The following SACS variants were observed in gnomAD, a reference collection of about 807,000 sequenced individuals.
SACS encodes sacsin.
SACS carries 197 observed loss-of-function variants against 348.0 expected under a neutral mutation model. The observed-to-expected ratio is 0.57, with a 90% CI of 0.50 to 0.64. The LOEUF (loss-of-function observed/expected upper bound fraction) is 0.64. SACS is among the 30% of genes least tolerant of loss of function. SACS has a pLI of 0.00. For synonymous variants in SACS, 1,985 were observed against 1,910.6 expected (o/e 1.04, Z -1.02); for missense variants, 4,999 against 5,360.8 (o/e 0.93, Z 2.11).
chr13:23,424,784 AAAG>A (rs1471165003), intron 1 of SACS, among the ~76,000 whole-genome samples: 1 of 152,208 alleles, frequency 6.6e-6, no homozygotes, highest in Non-Finnish European at 1.5e-5. Context: ...AGCTATGTAC[AAAG>A]AAGCTTTGTG....
intron 2 of SACS, among the ~76,000 whole-genome samples, chr13:23,399,977 C>G (rs905476188): frequency 6.6e-6 from 1 of 152,212 alleles, no homozygotes; most frequent in African/African-American, 2.4e-5. Context: ...GAAAGTGCTC[C>G]TGACTGCTAT....
chr13:23,375,560 C>T, intron 2 of SACS: 2 of 1,040,398 alleles, frequency 1.9e-6, no homozygotes, highest in East Asian at 7.8e-5. Context: ...GCGGGGACTG[C>T]GCGCTCCCGG....
chr13:23,332,501 C>T lies in SACS; in HGVS notation c.11375G>A (p.Arg3792Gln), dbSNP rs778633704. The change falls in exon 10 of 10, where the codon CGA (arginine) becomes CAA (glutamine). Residue 3792 changes from arginine (R) to glutamine (Q), a missense_variant. By Grantham distance (43) the Arg-to-Gln change is conservative. Around this residue, in one of 6 missense-constraint regions of SACS, gnomAD observed 831 missense variants for 941.8 expected, o/e 0.88. Transcript: ENST00000382292. ...AEKREFRFQL[R>Q]GVAFVMVEDG... ...TTCTACCATCACAAAAGCAACCCCT[C>T]GCAACTGAAAACGAAATTCCCTTTT... 1.8e-5 allele frequency: 29 copies of T among 1,613,996 alleles called. No homozygotes were observed. The highest frequency in any genetic ancestry group is 1.2e-4 in the Admixed American group (7 of 60,000).
At chr13:23,412,937 A>C (rs1252762688) in intron 1 of SACS, among the ~76,000 whole-genome samples, 1 of 152,228 alleles carries the variant, frequency 6.6e-6, no homozygotes, top group Non-Finnish European at 1.5e-5. Context: ...GCTGGGCACA[A>C]TCTGGGCTAA....
intron 2 of SACS, among the ~76,000 whole-genome samples, chr13:23,399,065 T>C (rs1872842140): frequency 6.8e-6 from 1 of 147,786 alleles, no homozygotes. Flanking sequence ...TAGTTAATTA[T>C]TGATAGAGCA....
Position 23,335,812 on chromosome 13 carries a change from G to A in SACS, c.8064C>T (p.Thr2688=). The A allele has an allele frequency of 6.2e-7, 1 of 1,613,906 alleles. No individual in the cohort carries two copies. The highest frequency in any genetic ancestry group is 8.5e-7 in the Non-Finnish European group (1 of 1,179,902). ...TTGTGCAATTATCCAGTTTAAAATG[G>A]GTTCCCAGATAAAGATCCAGAACAT... The part of the protein sequence containing the change: ...FSDVLDLYLG[T]HFKLDNCTMF... The change falls in exon 10 of 10, where the codon ACC becomes ACT. Residue 2688 remains threonine, a synonymous_variant. Coordinates refer to ENST00000382292, the MANE Select transcript of SACS (RefSeq NM_014363.6). This position sits in a 1 kb window ranked among gnomAD's most constrained non-coding sequence, Gnocchi z 4.7.
At chr13:23,372,950 G>A (rs1384692206) in intron 3 of SACS, among the ~76,000 whole-genome samples, 4 of 152,038 alleles carry the variant, frequency 2.6e-5, no homozygotes, top group African/African-American at 7.2e-5. Flanking sequence ...ATACCAGGAC[G>A]AAAGGGTCCT....
Position 23,341,467 on chromosome 13 carries a change from G to A in SACS, c.2409C>T (p.Ile803=), listed in dbSNP as rs146198963. 1.4e-5 allele frequency: 23 copies of A among 1,613,852 alleles called. No homozygotes were observed. The African/African-American group carries it at 2.7e-4, about 19-fold the overall frequency. Residue 803 remains isoleucine (I), a synonymous_variant, in exon 10 of 10, where the codon ATC becomes ATT. Coordinates refer to ENST00000382292, the MANE Select transcript of SACS (RefSeq NM_014363.6). ...GACCTTCCTCTAGTATAGTTCTGGG[G>A]ATAAGTGGCATCTCATCAAATAAAG... ...DLTLFDEMPL[I]PRTILEEGQT... is the part of the protein sequence containing the mutation.
intron 2 of SACS, among the ~76,000 whole-genome samples, chr13:23,401,075 C>G (rs896206193): frequency 1.3e-5 from 2 of 152,028 alleles, no homozygotes; most frequent in African/African-American, 4.8e-5. Context: ...TAAGAAGTTC[C>G]TAGAAAATGT....
Position 23,335,318 on chromosome 13 carries a change from A to C in SACS, c.8558T>G (p.Val2853Gly), listed in dbSNP as rs1445311282. 2.5e-6 allele frequency: 4 copies of C among 1,613,780 alleles called. No individual in the cohort carries two copies. The highest frequency in any genetic ancestry group is 2.5e-6 in the Non-Finnish European group (3 of 1,179,872). The change falls in exon 10 of 10, where the codon GTA becomes GGA. Residue 2853 changes from valine (V) to glycine (G), a missense_variant. Val to Gly is a moderately radical substitution (Grantham distance 109). This residue lies in a region of SACS where 3,156 missense variants were observed against 3,380.1 expected (regional missense o/e 0.93). Transcript: ENST00000382292. The surrounding 1 kb of genome is among the most constrained non-coding windows in gnomAD (Gnocchi z 4.7). ...QDITLFPRGG[V>G]AACITHNYKK... ...ATAGTTGTGAGTAATGCAGGCAGCT[A>C]CTCCACCACGTGGGAAAAGAGTAAT... is the stretch of plus-strand genomic sequence containing the variant.
rs536706803 is a variant in SACS, at chr13:23,430,619, T to C, written c.-502+2996A>G. Among the ~76,000 whole-genome samples the C allele has an allele frequency of 8.4e-4, 128 of 152,216 alleles. 1 individual carries two copies. The highest frequency in any genetic ancestry group is 1.5e-3 in the Non-Finnish European group (103 of 68,036). The stretch of plus-strand genomic sequence containing the variant: ...ATTCTAGATACGTATAGAATTCAAA[T>C]ACTCCTTTCTAGCACTTAGTACTTT... On this transcript the variant is annotated intron_variant, in intron 1 of 9. Transcript: ENST00000382292.
Position 23,354,510 on chromosome 13 carries a change from GA to G in SACS, c.2093+8del. 6.2e-7 allele frequency: 1 copy of G among 1,612,534 alleles called. No homozygotes were observed. The highest frequency in any genetic ancestry group is 1.3e-5 in the African/African-American group (1 of 75,002). ...GAGTGAACAGGAATGTTAGAAGGGG[GA>G]CCCCTACCTTGGATATTCTGCTGAG... On this transcript the variant is annotated splice_region_variant and intron_variant, in intron 8 of 9. Coordinates refer to ENST00000382292, the MANE Select transcript of SACS (RefSeq NM_014363.6).
At chr13:23,377,868 G>T (rs750828118) in intron 2 of SACS, among the ~76,000 whole-genome samples, 7 of 152,202 alleles carry the variant, frequency 4.6e-5, no homozygotes, top group Non-Finnish European at 1.0e-4. Context: ...GCCTGGCACA[G>T]AGTAGTCCCA....
rs769211032 is a variant in SACS at position 23,338,665 on chromosome 13, C to G, written c.5211G>C (p.Lys1737Asn). Residue 1737 changes from lysine to asparagine, a missense_variant, in exon 10 of 10, where the codon AAG becomes AAC. This residue lies in a region of SACS where 3,156 missense variants were observed against 3,380.1 expected (regional missense o/e 0.93). Transcript: ENST00000382292. ...PVLSVLKEAA[K>N]LMKTCSSSNK... ...TACTGCTGCTGCAAGTCTTCATGAG[C>G]TTAGCAGCCTCTTTTAAAACACTTA... 12 of 1,614,094 alleles carry G rather than the reference C, an allele frequency of 7.4e-6. No individual in the cohort carries two copies. The highest frequency in any genetic ancestry group is 1.0e-5 in the Non-Finnish European group (12 of 1,180,010).
chr13:23,384,246 A>G (rs1872181542), intron 2 of SACS, among the ~76,000 whole-genome samples: 1 of 152,214 alleles, frequency 6.6e-6, no homozygotes, highest in African/African-American at 2.4e-5. Flanking sequence ...GCCTTCGTAG[A>G]CATCTTCAGC....
At chr13:23,380,148 T>TGTGTGTGTGTGA (rs35527942) in intron 2 of SACS, among the ~76,000 whole-genome samples, 25 of 147,778 alleles carry the variant, frequency 1.7e-4, no homozygotes, top group African/African-American at 5.7e-4. Context: ...TGTGTGTGTG[T>TGTGTGTGTGTGA]GAGAGAGAGA....
At chr13:23,372,038 C>T (rs1871422451) in intron 3 of SACS, among the ~76,000 whole-genome samples, 1 of 152,146 alleles carries the variant, frequency 6.6e-6, no homozygotes, top group Non-Finnish European at 1.5e-5. Flanking sequence ...TTAGTTAATT[C>T]ATTTTTAATT....
At chr13:23,431,249 C>T (rs1337045785) in intron 1 of SACS, among the ~76,000 whole-genome samples, 1 of 152,160 alleles carries the variant, frequency 6.6e-6, no homozygotes, top group Admixed American at 6.5e-5. Flanking sequence ...TGTCTCTTGC[C>T]TTAGAGATGG....
intron 1 of SACS, among the ~76,000 whole-genome samples, chr13:23,418,463 T>C (rs1028530296): frequency 6.6e-6 from 1 of 152,196 alleles, no homozygotes; most frequent in African/African-American, 2.4e-5. Flanking sequence ...TGTATATAAA[T>C]TCTCATCTGA....
Sources: gnomAD v4.1 joint callset for allele counts (sites outside exome capture counted in the v4.1 genomes callset) on GRCh38, gnomAD v4.1.1 for gene constraint, gnomAD v4.1.1 regional missense constraint, Gnocchi (gnomAD v3.1) non-coding constraint, MANE v1.5 for transcripts, NCBI Gene and HGNC (gene_info 2026-07-23, HGNC 2026-07-21) for gene names.